RBPJ: variants seen among roughly 807,000 people sequenced by gnomAD.
RBPJ encodes the protein recombining binding protein suppressor of hairless.
In RBPJ, 9 loss-of-function variants were observed where a neutral mutation model predicts 67.8. That is an observed-to-expected ratio of 0.13 (90% CI 0.08 to 0.23). The LOEUF (loss-of-function observed/expected upper bound fraction) is 0.23, where lower values mean the gene tolerates loss of function less well. Among genes scored for constraint, RBPJ ranks in the 10% least tolerant of loss-of-function variants. RBPJ has a pLI of 1.00. For synonymous variants in RBPJ, 198 were observed against 203.3 expected, an observed-to-expected ratio of 0.97 and a Z score of 0.22; for missense variants, 305 against 595.6, an observed-to-expected ratio of 0.51 and a Z score of 5.08.
At chr4:26,167,240 C>T (rs1458232178) in intron 1 of RBPJ, among the ~76,000 whole-genome samples, 1 of 152,030 alleles carries the variant, frequency 6.6e-6, no homozygotes, top group African/African-American at 2.4e-5. Flanking sequence ...TAGTTTTTTC[C>T]AATTCTGTGA....
chr4:26,295,271 G>GTGTGTGTGTGT (rs1560248894), intron 1 of RBPJ, among the ~76,000 whole-genome samples: 8 of 117,954 alleles, frequency 6.8e-5, no homozygotes, highest in East Asian at 4.6e-4. Flanking sequence ...TGTGTGTGTG[G>GTGTGTGTGTGT]GTGTGTGTGT....
chr4:26,205,875 G>A (rs893839809), intron 1 of RBPJ, among the ~76,000 whole-genome samples: 1 of 151,530 alleles, frequency 6.6e-6, no homozygotes, highest in East Asian at 1.9e-4. Flanking sequence ...TTACAGACAT[G>A]AGCCGCCACA....
Position 26,254,843 on chromosome 4 carries a change from A to ATTTTTTTTTTTTTT in RBPJ, c.-167+91253_-167+91266dup, listed in dbSNP as rs71643604. On this transcript the variant is annotated intron_variant, in intron 1 of 4. Transcript: ENST00000512351. The stretch of plus-strand genomic sequence containing the variant: ...CAGGTGCATGCCACCATGCCCAGCT[A>ATTTTTTTTTTTTTT]TTTTTTTTTTTTTTTTTTTTTTTTT... 1.2e-4 allele frequency among the ~76,000 whole-genome samples: 2 copies of ATTTTTTTTTTTTTT among 16,548 alleles called. 1 individual carries two copies. The highest frequency in any genetic ancestry group is 2.2e-4 in the Non-Finnish European group (2 of 9,214). The allele number at this position is 16,548 out of a possible 152,430, so 10.9% of individuals were successfully genotyped here. A position where few individuals can be genotyped will look rare whatever the true frequency, so the allele number is the denominator to read the frequency against.
At position 26,279,785 on chromosome 4, in the gene RBPJ, CTT is replaced by C. The variant is rs1026614295; in HGVS notation, c.-166-82642_-166-82641del. ...TTTTTGTGAGTGAAGTTGAAATTGT[CTT>C]TTTTTTTTTTTTTTTTTTGAAACAA... On this transcript the variant is annotated intron_variant, in intron 1 of 4. Transcript: ENST00000512351. Among the ~76,000 whole-genome samples, 103 of 116,650 alleles carry C rather than the reference CTT, an allele frequency of 8.8e-4. 1 individual carries two copies. Among genetic ancestry groups the C allele is most frequent in the African/African-American group, 2.6e-3 (82 of 31,448 alleles). 76.5% of individuals were successfully genotyped at this position (116,650 alleles called of 152,430 possible). A position where few individuals can be genotyped will look rare whatever the true frequency, so the allele number is the denominator to read the frequency against.
At position 26,297,364 on chromosome 4, in the gene RBPJ, AAGAGAGAG is replaced by A. The variant is rs34987416; in HGVS notation, c.-166-65066_-166-65059del. The stretch of plus-strand genomic sequence containing the variant: ...TGTGTGTGTGTGTGTGTACGAGAGA[AAGAGAGAG>A]AGAGAGAGAGAGAGACAGAGAGAGA... On this transcript the variant is annotated intron_variant, in intron 1 of 4. Coordinates refer to the RBPJ transcript ENST00000512351. 3.4e-3 allele frequency among the ~76,000 whole-genome samples: 505 copies of A among 148,124 alleles called. 8 individuals are homozygous for A. The highest frequency in any genetic ancestry group is 0.012 in the African/African-American group (474 of 39,840).
chr4:26,208,701 A>AT (rs1374615458), intron 1 of RBPJ, among the ~76,000 whole-genome samples: 9 of 152,046 alleles, frequency 5.9e-5, no homozygotes, highest in South Asian at 4.2e-4. Context: ...CCACCCTGTG[A>AT]TTTTTTTTCT....
chr4:26,362,569 G>C (rs1238729019), intron 1 of RBPJ: 1 of 1,612,454 alleles, frequency 6.2e-7, no homozygotes, highest in South Asian at 1.1e-5. Context: ...GTGCATCGAA[G>C]TGTTCCAAGC....
chr4:26,113,380 G>T, the RBPJ span: 1 of 547,450 alleles, frequency 1.8e-6, no homozygotes, highest in East Asian at 3.8e-5. Flanking sequence ...CTCAGCTTCA[G>T]AGAACACACA....
chr4:26,261,854 G>C (rs148238704), intron 1 of RBPJ, among the ~76,000 whole-genome samples: 1 of 152,074 alleles, frequency 6.6e-6, no homozygotes, highest in Non-Finnish European at 1.5e-5. Context: ...TCATAAAAAA[G>C]GTTCTCAGCC....
chr4:26,273,660 C>G (rs1274091025), intron 1 of RBPJ, among the ~76,000 whole-genome samples: 1 of 152,256 alleles, frequency 6.6e-6, no homozygotes, highest in Non-Finnish European at 1.5e-5. Context: ...GCAGAAGAAC[C>G]TAGCAGCGGG....
upstream of RBPJ, among the ~76,000 whole-genome samples, chr4:26,316,534 T>TATATATATATTCATGTATATATTC (rs1722634739): frequency 1.8e-5 from 2 of 110,564 alleles, no homozygotes; most frequent in East Asian, 4.6e-4. Flanking sequence ...TATATATTCA[T>TATATATATATTCATGTATATATTC]ATATATATTC....
At chr4:26,297,277 G>A (rs975310998) in intron 1 of RBPJ, among the ~76,000 whole-genome samples, 3 of 151,948 alleles carry the variant, frequency 2.0e-5, no homozygotes, top group Non-Finnish European at 1.5e-5. Flanking sequence ...CACTCTAGCC[G>A]GGGTGACAGA....
chr4:26,141,074 C>A, the RBPJ span, among the ~76,000 whole-genome samples: 5 of 152,172 alleles, frequency 3.3e-5, no homozygotes, highest in East Asian at 9.7e-4. Flanking sequence ...TGACCCAGGG[C>A]AACTCCCTTT....
At chr4:26,315,004 G>A (rs544959777), upstream of RBPJ, among the ~76,000 whole-genome samples, 7 of 151,474 alleles carry the variant, frequency 4.6e-5, no homozygotes, top group African/African-American at 1.7e-4. Flanking sequence ...AATTAGCCGG[G>A]TGTGGTAGTG....
intron 1 of RBPJ, among the ~76,000 whole-genome samples, chr4:26,305,317 G>A (rs111577606): frequency 6.6e-6 from 1 of 152,168 alleles, no homozygotes; most frequent in African/African-American, 2.4e-5. Flanking sequence ...GGCTATTGTG[G>A]GTTCCATAAA....
At chr4:26,140,535 T>G in the RBPJ span, among the ~76,000 whole-genome samples, 11 of 152,170 alleles carry the variant, frequency 7.2e-5, no homozygotes, top group African/African-American at 2.6e-4. Flanking sequence ...TGGCTCCCGA[T>G]GGGCAGGGGC....
chr4:26,222,355 C>A (rs1049432959), intron 1 of RBPJ, among the ~76,000 whole-genome samples: 2 of 151,682 alleles, frequency 1.3e-5, no homozygotes, highest in African/African-American at 4.8e-5. Context: ...ATTAGTTGGG[C>A]GTGGTGGCGG....
At chr4:26,180,666 C>A (rs1716951715) in intron 1 of RBPJ, among the ~76,000 whole-genome samples, 1 of 152,198 alleles carries the variant, frequency 6.6e-6, no homozygotes, top group African/African-American at 2.4e-5. Flanking sequence ...TCTCCCAATA[C>A]CTTGGAGATT....
At position 26,431,786 on chromosome 4, in the gene RBPJ, GTC is replaced by G. The variant is rs1339680652; in HGVS notation, c.*785_*786del. ...AATACATGCAATGTATGTTAACTTA[GTC>G]TCTCTTCTCAGACACTGTTGGTAGT... On this transcript the variant is annotated 3_prime_UTR_variant, in exon 11 of 11. Transcript: ENST00000355476. The G allele has an allele frequency of 6.6e-6, 1 of 151,748 alleles. No homozygotes were observed. Among genetic ancestry groups the G allele is most frequent in the Non-Finnish European group, 1.5e-5 (1 of 67,948 alleles). The allele number at this position is 151,748 out of a possible 1,614,324, so 9.4% of individuals were successfully genotyped here.
Sources: gnomAD v4.1 joint callset for allele counts (sites outside exome capture counted in the v4.1 genomes callset) on GRCh38, gnomAD v4.1.1 for gene constraint, MANE v1.5 for transcripts, NCBI Gene and HGNC (gene_info 2026-07-23, HGNC 2026-07-21) for gene names.